HS3ST4: variants seen among roughly 807,000 people sequenced by gnomAD.
HS3ST4 encodes heparan sulfate-glucosamine 3-sulfotransferase 4.
HS3ST4 carries 17 observed loss-of-function variants against 29.2 expected under a neutral mutation model. That is an observed-to-expected ratio of 0.58 (90% confidence interval 0.40 to 0.87). The LOEUF is 0.87. Among genes scored for constraint, HS3ST4 ranks in the 40% least tolerant of loss-of-function variants. The pLI is 0.00. For synonymous variants in HS3ST4, 314 were observed against 285.7 expected, an observed-to-expected ratio of 1.10 and a Z score of -1.00; for missense variants, 627 against 634.5, an observed-to-expected ratio of 0.99 and a Z score of 0.13.
At chr16:25,774,278 C>T (rs1466193679) in intron 1 of HS3ST4, among the ~76,000 whole-genome samples, 2 of 152,230 alleles carry the variant, frequency 1.3e-5, no homozygotes, top group Non-Finnish European at 2.9e-5. Flanking sequence ...ATTTAGCAAA[C>T]ATTGACCAGC....
rs74812346 is a variant in HS3ST4, at chr16:25,830,821, A to T, written c.734+137670A>T. On this transcript the variant is annotated intron_variant, in intron 1 of 1. Transcript: ENST00000331351. ...CCCACCTCTATCTCTTATCCTGAGTATAGTGACGACCTTCCAGCTGGACTC... is the reference window on the plus strand; with the variant it reads ...CCCACCTCTATCTCTTATCCTGAGTTTAGTGACGACCTTCCAGCTGGACTC... Among the ~76,000 whole-genome samples the T allele has an allele frequency of 9.1e-4, 138 of 152,030 alleles. 1 individual carries two copies. In the East Asian group the frequency reaches 0.024, roughly 26 times the overall value.
chr16:25,760,121 CCTAACCCTAACT>C (rs1966780444), intron 1 of HS3ST4, among the ~76,000 whole-genome samples: 1 of 151,478 alleles, frequency 6.6e-6, no homozygotes, highest in Non-Finnish European at 1.5e-5. Flanking sequence ...TAACCCTAAC[CCTAACCCTAACT>C]CTAACCCTAA....
At chr16:25,749,596 C>T (rs1486485188) in intron 1 of HS3ST4, among the ~76,000 whole-genome samples, 2 of 152,084 alleles carry the variant, frequency 1.3e-5, no homozygotes, top group Non-Finnish European at 2.9e-5. Flanking sequence ...GAAGCTGGAA[C>T]AAGGCTGCCT....
In HS3ST4 at chr16:26,097,606, G is replaced by C. The variant is rs141363777; in HGVS notation, c.735-38006G>C. On this transcript the variant is annotated intron_variant, in intron 1 of 1. Coordinates refer to ENST00000331351, the MANE Select transcript of HS3ST4 (RefSeq NM_006040.3). ...TTCAAGATGGATTAAAGACTTAAAT[G>C]TTAGACCCAAAACTGTAGAAACCCT... Among the ~76,000 whole-genome samples, 1,267 of 152,286 alleles carry C rather than the reference G, an allele frequency of 8.3e-3. 10 individuals carry two copies. Among genetic ancestry groups the C allele is most frequent in the African/African-American group, 0.028 (1,145 of 41,546 alleles).
intron 1 of HS3ST4, among the ~76,000 whole-genome samples, chr16:25,732,413 C>T (rs1017595069): frequency 1.4e-4 from 21 of 152,180 alleles, no homozygotes; most frequent in African/African-American, 5.1e-4. Context: ...GATATGCCAT[C>T]TCCGAGGCTG....
chr16:25,848,955 A>G (rs1046649061), intron 1 of HS3ST4, among the ~76,000 whole-genome samples: 15 of 152,110 alleles, frequency 9.9e-5, no homozygotes, highest in African/African-American at 3.6e-4. Flanking sequence ...TAATTTAGAT[A>G]TGTAGGGTTC....
At chr16:25,801,407 T>TGCGGCAGAA (rs1966933079) in intron 1 of HS3ST4, among the ~76,000 whole-genome samples, 1 of 152,214 alleles carries the variant, frequency 6.6e-6, no homozygotes, top group Admixed American at 6.5e-5. Context: ...TCTGTGTACT[T>TGCGGCAGAA]GTGCAAGTCT....
intron 1 of HS3ST4, chr16:25,886,766 C>T (rs1157258808): frequency 6.6e-6 from 1 of 152,164 alleles, no homozygotes; most frequent in African/African-American, 2.4e-5. Flanking sequence ...CATTAAATGT[C>T]GAAAGGAAGG....
chr16:25,698,534 TG>T (rs1966314219), intron 1 of HS3ST4, among the ~76,000 whole-genome samples: 1 of 152,254 alleles, frequency 6.6e-6, no homozygotes, highest in South Asian at 2.1e-4. Flanking sequence ...TAGCTTCAGT[TG>T]TTTATCTGAG....
intron 1 of HS3ST4, among the ~76,000 whole-genome samples, chr16:25,778,914 T>G (rs12929258): frequency 0.014 from 2,071 of 152,270 alleles, 21 homozygotes; most frequent in Middle Eastern, 0.034. Flanking sequence ...CTTACCTGAT[T>G]CTCCAGACTG....
intron 1 of HS3ST4, among the ~76,000 whole-genome samples, chr16:26,046,253 C>T (rs1898263264): frequency 6.6e-6 from 1 of 150,522 alleles, no homozygotes; most frequent in African/African-American, 2.5e-5. Context: ...CAGGTTCAAG[C>T]GATTCTCCTG....
At chr16:26,131,144 CT>C (rs1899413109) in intron 1 of HS3ST4, among the ~76,000 whole-genome samples, 1 of 152,184 alleles carries the variant, frequency 6.6e-6, no homozygotes. Flanking sequence ...CTGAGCACTT[CT>C]TTCTGTGTTG....
intron 1 of HS3ST4, among the ~76,000 whole-genome samples, chr16:25,866,834 C>T (rs4238925): frequency 6.6e-6 from 1 of 151,902 alleles, no homozygotes; most frequent in Non-Finnish European, 1.5e-5. Context: ...AATTAAAAAA[C>T]AGAAACATTT....
intron 1 of HS3ST4, among the ~76,000 whole-genome samples, chr16:26,051,364 C>T (rs1198482995): frequency 6.6e-6 from 1 of 152,158 alleles, no homozygotes; most frequent in East Asian, 1.9e-4. Context: ...CAGCCTCCTC[C>T]CACAAGCTTT....
Position 25,887,887 on chromosome 16 carries a change from C to T in HS3ST4, c.734+194736C>T, listed in dbSNP as rs769323126. Among the ~76,000 whole-genome samples the T allele has an allele frequency of 2.6e-5, 4 of 151,654 alleles. No individual in the cohort carries two copies. The South Asian group carries it at 6.3e-4, about 24-fold the overall frequency. ...TAGTTTTTTGTATTTTTAGTAGAGA[C>T]GGGGTTTCACCATGTTAGCCAGGAT... On this transcript the variant is annotated intron_variant, in intron 1 of 1. Coordinates refer to ENST00000331351, the MANE Select transcript of HS3ST4 (RefSeq NM_006040.3).
At chr16:25,848,689 T>C (rs1478000119) in intron 1 of HS3ST4, among the ~76,000 whole-genome samples, 1 of 152,162 alleles carries the variant, frequency 6.6e-6, no homozygotes, top group Admixed American at 6.5e-5. Context: ...ATTTTATTGC[T>C]CTTTTTACAG....
intron 1 of HS3ST4, among the ~76,000 whole-genome samples, chr16:26,044,344 C>T (rs564140057): frequency 6.6e-6 from 1 of 152,328 alleles, no homozygotes; most frequent in South Asian, 2.1e-4. Context: ...TTCAGCCCCA[C>T]ACCCCCATTC....
At chr16:25,698,345 C>T (rs1966313226) in intron 1 of HS3ST4, among the ~76,000 whole-genome samples, 1 of 147,162 alleles carries the variant, frequency 6.8e-6, no homozygotes, top group African/African-American at 2.5e-5. Context: ...GAGGTCTCCA[C>T]TTGGAGGGAA....
chr16:25,841,095 C>T lies in HS3ST4; in HGVS notation c.734+147944C>T, dbSNP rs367928314. On this transcript the variant is annotated intron_variant, in intron 1 of 1. Coordinates refer to ENST00000331351, the MANE Select transcript of HS3ST4 (RefSeq NM_006040.3). ...TCTCTGCTCACTGCAGGCTCCGCCC[C>T]CCGGGGTTCATGCCATTCTCCTGCC... is the stretch of plus-strand genomic sequence containing the variant. Among the ~76,000 whole-genome samples the T allele has an allele frequency of 5.3e-4, 80 of 151,122 alleles. 1 individual carries two copies. Among genetic ancestry groups the T allele is most frequent in the African/African-American group, 1.9e-3 (77 of 41,164 alleles).
Sources: allele counts gnomAD v4.1 joint callset (sites outside exome capture counted in the v4.1 genomes callset), GRCh38; gene constraint gnomAD v4.1.1; transcripts MANE v1.5; gene names NCBI Gene and HGNC (gene_info 2026-07-23, HGNC 2026-07-21).